PATE1: variants seen among roughly 807,000 people sequenced by gnomAD.
PATE1 encodes the protein prostate and testis expressed 1.
Under a neutral mutation model 13.1 loss-of-function variants are expected in PATE1, and 21 were observed. The ratio of observed to expected loss-of-function variants is 1.61; its 90% CI spans 1.14 to 2.31. The LOEUF (loss-of-function observed/expected upper bound fraction) is 2.31. Ranked by LOEUF, PATE1 falls within the 30% of genes most tolerant of loss-of-function variation. PATE1 has a pLI of 0.00. For synonymous variants in PATE1, 52 were observed against 47.1 expected (o/e 1.10, Z -0.43); for missense variants, 166 against 147.2 (o/e 1.13, Z -0.66).
chr11:125,748,023 A>T, intron 4 of PATE1: 1 of 683,840 alleles, frequency 1.5e-6, no homozygotes, highest in East Asian at 3.0e-5. Context: ...GCCTACAGCT[A>T]AGGGATTAGC....
chr11:125,749,245 G>A lies in PATE1; in HGVS notation c.*512G>A, dbSNP rs1943308998. 2.0e-5 allele frequency: 3 copies of A among 152,288 alleles called. No homozygotes were observed. The highest frequency in any genetic ancestry group is 2.0e-4 in the Admixed American group (3 of 15,270). 9.4% of individuals were successfully genotyped at this position (152,288 alleles called of 1,614,324 possible). On this transcript the variant is annotated 3_prime_UTR_variant, in exon 5 of 5. Transcript: ENST00000305738. ...AGTGGCTCAAGTCTTCTTGGAGTTTGTTCATGAATGCTGATCCCAGGGTGA... is the reference window on the plus strand; with the variant it reads ...AGTGGCTCAAGTCTTCTTGGAGTTTATTCATGAATGCTGATCCCAGGGTGA...
In PATE1 at chr11:125,748,817, CACACACACACACACACACT is replaced by C. The variant is rs1224576195; in HGVS notation, c.*88_*106del. ...CACAATGACTTTCTAAAAAAAATCA[CACACACACACACACACACT>C]ACAGAAGAGGATTGCAAACACATGG... On this transcript the variant is annotated 3_prime_UTR_variant, in exon 5 of 5. Transcript: ENST00000305738. 30 of 1,186,514 alleles carry C rather than the reference CACACACACACACACACACT, an allele frequency of 2.5e-5. No homozygotes were observed. The highest frequency in any genetic ancestry group is 3.4e-5 in the Non-Finnish European group (30 of 893,450). The allele number at this position is 1,186,514 out of a possible 1,614,324, so 73.5% of individuals were successfully genotyped here. A position where few individuals can be genotyped will look rare whatever the true frequency, so the allele number is the denominator to read the frequency against.
At position 125,748,620 on chromosome 11, in the gene PATE1, A is replaced by G. The variant is rs1943301757; in HGVS notation, c.268A>G (p.Thr90Ala). ...MFKRDGNPWL[T>A]FMGCLKNCAD... ...CACAGGGGATGGTAATCCCTGGTTAACCTTCATGGGCTGCCTAAAGAACTG... is the reference window on the plus strand; with the variant it reads ...CACAGGGGATGGTAATCCCTGGTTAGCCTTCATGGGCTGCCTAAAGAACTG... Residue 90 changes from threonine to alanine, a missense_variant, in exon 5 of 5, where the codon ACC becomes GCC. Physicochemically the swap from Thr to Ala is moderately conservative, Grantham distance 58. Transcript: ENST00000305738. 1 of 1,613,654 alleles carries G rather than the reference A, an allele frequency of 6.2e-7. No individual in the cohort carries two copies. The highest frequency in any genetic ancestry group is 8.5e-7 in the Non-Finnish European group (1 of 1,179,868).
In PATE1 at chr11:125,746,642, C is replaced by G; in HGVS notation, c.53-19C>G. 6.2e-7 allele frequency: 1 copy of G among 1,613,462 alleles called. No individual in the cohort carries two copies. Among genetic ancestry groups the G allele is most frequent in the Non-Finnish European group, 8.5e-7 (1 of 1,179,608 alleles). ...AAAATGAGGTCTGCAGACAGTGTAT[C>G]TCTTTTTTTTTCCAACAGCATTATC... On this transcript the variant is annotated intron_variant, in intron 1 of 4. Coordinates refer to ENST00000305738, the MANE Select transcript of PATE1 (RefSeq NM_138294.3).
chr11:125,748,621 C>A lies in PATE1; in HGVS notation c.269C>A (p.Thr90Asn), dbSNP rs753244669. 1 of 1,613,746 alleles carries A rather than the reference C, an allele frequency of 6.2e-7. No homozygotes were observed. The highest frequency in any genetic ancestry group is 8.5e-7 in the Non-Finnish European group (1 of 1,179,854). Residue 90 changes from threonine (T) to asparagine (N), a missense_variant, in exon 5 of 5, where the codon ACC becomes AAC. By Grantham distance (65) the Thr-to-Asn change is moderately conservative. Transcript: ENST00000305738. Reference protein sequence around the residue: ...MFKRDGNPWLTFMGCLKNCAD... With the variant: ...MFKRDGNPWLNFMGCLKNCAD... ...ACAGGGGATGGTAATCCCTGGTTAA[C>A]CTTCATGGGCTGCCTAAAGAACTGT...
rs1187453182 is a variant in PATE1 at position 125,748,872 on chromosome 11, T to C, written c.*139T>C. The C allele has an allele frequency of 3.4e-5, 37 of 1,098,298 alleles. No individual in the cohort carries two copies. Among genetic ancestry groups the C allele is most frequent in the Non-Finnish European group, 4.3e-5 (34 of 782,558 alleles). 68.0% of individuals were successfully genotyped at this position (1,098,298 alleles called of 1,614,324 possible). A position where few individuals can be genotyped will look rare whatever the true frequency, so the allele number is the denominator to read the frequency against. On this transcript the variant is annotated 3_prime_UTR_variant, in exon 5 of 5. Transcript: ENST00000305738. ...ATTGCAAACACATGGCTCCATCTTCTGCACACGAAAGGAAAGTCCCTCTCC... is the reference window on the plus strand; with the variant it reads ...ATTGCAAACACATGGCTCCATCTTCCGCACACGAAAGGAAAGTCCCTCTCC...
At chr11:125,747,872 G>T in intron 4 of PATE1, 50 bp downstream of exon 4, 1 of 1,610,398 alleles carries the variant, frequency 6.2e-7, no homozygotes, top group Non-Finnish European at 8.5e-7. Context: ...CGTATACAGG[G>T]ACGTATCAGC....
chr11:125,746,511 C>A, intron 1 of PATE1, 150 bp from the exon 2 acceptor site: 1 of 1,284,512 alleles, frequency 7.8e-7, no homozygotes, highest in Non-Finnish European at 1.1e-6. Context: ...TATGTCATGT[C>A]CCCAGGACCT....
In PATE1 at chr11:125,748,999, C is replaced by T; in HGVS notation, c.*266C>T. On this transcript the variant is annotated 3_prime_UTR_variant, in exon 5 of 5. Transcript: ENST00000305738. ...CTGCAGGTTGCTACAAACCCTTGTG[C>T]TTTCACTGTATAGCCAGTTCATTCA... The T allele has an allele frequency of 3.0e-6, 1 of 338,518 alleles. No homozygotes were observed. The highest frequency in any genetic ancestry group is 5.3e-6 in the Non-Finnish European group (1 of 189,080). 21.0% of individuals were successfully genotyped at this position (338,518 alleles called of 1,614,324 possible).
At position 125,748,913 on chromosome 11, in the gene PATE1, G is replaced by T; in HGVS notation, c.*180G>T. On this transcript the variant is annotated 3_prime_UTR_variant, in exon 5 of 5. Coordinates refer to ENST00000305738, the MANE Select transcript of PATE1 (RefSeq NM_138294.3). ...GTCCCTCTCCTTTTCTACAGTCTCT[G>T]TCACGCCCCTTAAAATAAGTAAATA... 1.6e-6 allele frequency: 1 copy of T among 636,144 alleles called. No individual in the cohort carries two copies. Among genetic ancestry groups the T allele is most frequent in the Non-Finnish European group, 2.5e-6 (1 of 396,300 alleles). The allele number at this position is 636,144 out of a possible 1,614,324, so 39.4% of individuals were successfully genotyped here.
chr11:125,747,310 A>G (rs1943281523), intron 2 of PATE1, 66 bp from the exon 3 acceptor site: 2 of 1,497,982 alleles, frequency 1.3e-6, no homozygotes, highest in Admixed American at 1.7e-5. Flanking sequence ...GCAGACTATA[A>G]GAACCCAATA....
intron 2 of PATE1, 57 bp downstream of exon 2, chr11:125,746,753 A>T: frequency 6.3e-7 from 1 of 1,594,700 alleles, no homozygotes; most frequent in Non-Finnish European, 8.6e-7. Context: ...GGAAAAGATG[A>T]GTGGGGTGAG....
Position 125,748,977 on chromosome 11 carries a change from C to T in PATE1, c.*244C>T. The T allele has an allele frequency of 2.4e-6, 1 of 414,190 alleles. No individual in the cohort carries two copies. 25.7% of individuals were successfully genotyped at this position (414,190 alleles called of 1,614,324 possible). A position where few individuals can be genotyped will look rare whatever the true frequency, so the allele number is the denominator to read the frequency against. On this transcript the variant is annotated 3_prime_UTR_variant, in exon 5 of 5. Transcript: ENST00000305738. ...GAAAGAACAAGATCAATATATCCTG[C>T]AGGTTGCTACAAACCCTTGTGCTTT...
rs930350430 is a variant in PATE1 at position 125,747,318 on chromosome 11, A to G, written c.89-58A>G. ...CTGAAGGGCAGACTATAAGAACCCA[A>G]TACAAGAGTAAATCTCAGGCACATT... On this transcript the variant is annotated intron_variant, in intron 2 of 4. Coordinates refer to ENST00000305738, the MANE Select transcript of PATE1 (RefSeq NM_138294.3). 5 of 1,541,670 alleles carry G rather than the reference A, an allele frequency of 3.2e-6. No homozygotes were observed. The Admixed American group carries it at 5.0e-5, about 15-fold the overall frequency.
chr11:125,746,347 T>G lies in PATE1; in HGVS notation c.43T>G (p.Cys15Gly). The change falls in exon 1 of 5, where the codon TGC (cysteine) becomes GGC (glycine). Residue 15 changes from cysteine to glycine, a missense_variant. Physicochemically the swap from Cys to Gly is radical, Grantham distance 159. Transcript: ENST00000305738. ...GCTGGAACTCCCCATCCTGCTCTGC[T>G]GCTTTAGGGGTGAGTCCCTAGGGTT... ...LLLELPILLC[C>G]FRALSGSLSM... 6.2e-7 allele frequency: 1 copy of G among 1,613,942 alleles called. No homozygotes were observed. Among genetic ancestry groups the G allele is most frequent in the Non-Finnish European group, 8.5e-7 (1 of 1,179,844 alleles).
chr11:125,748,814 T>TCACA lies in PATE1; in HGVS notation c.*99_*102dup, dbSNP rs71750638. ...CTTCACAATGACTTTCTAAAAAAAA[T>TCACA]CACACACACACACACACACACTACA... On this transcript the variant is annotated 3_prime_UTR_variant, in exon 5 of 5. Coordinates refer to ENST00000305738, the MANE Select transcript of PATE1 (RefSeq NM_138294.3). 2.6e-4 allele frequency: 272 copies of TCACA among 1,043,696 alleles called. 1 individual carries two copies. The African/African-American group carries it at 5.7e-3, about 22-fold the overall frequency. The allele number at this position is 1,043,696 out of a possible 1,614,324, so 64.7% of individuals were successfully genotyped here. A position where few individuals can be genotyped will look rare whatever the true frequency, so the allele number is the denominator to read the frequency against.
In PATE1 at chr11:125,747,599, G is replaced by T. The variant is rs919209640; in HGVS notation, c.125-101G>T. The T allele has an allele frequency of 3.9e-6, 6 of 1,535,158 alleles. No individual in the cohort carries two copies. The South Asian group carries it at 4.7e-5, about 12-fold the overall frequency. On this transcript the variant is annotated intron_variant, in intron 3 of 4. Coordinates refer to ENST00000305738, the MANE Select transcript of PATE1 (RefSeq NM_138294.3). Reference sequence around the variant, plus strand: ...TTCACGCTTGATGGGCTCTGGCAAAGCCCTGTGGCTCTAGGCAGACTTCTA... The same window carrying T: ...TTCACGCTTGATGGGCTCTGGCAAATCCCTGTGGCTCTAGGCAGACTTCTA...
At position 125,749,227 on chromosome 11, in the gene PATE1, C is replaced by T. The variant is rs1387178673; in HGVS notation, c.*494C>T. The T allele has an allele frequency of 6.6e-6, 1 of 152,282 alleles. No individual in the cohort carries two copies. The highest frequency in any genetic ancestry group is 1.5e-5 in the Non-Finnish European group (1 of 68,162). The allele number at this position is 152,282 out of a possible 1,614,324, so 9.4% of individuals were successfully genotyped here. A position where few individuals can be genotyped will look rare whatever the true frequency, so the allele number is the denominator to read the frequency against. ...AGTAGCAACATAAAAAGAAGTGGCT[C>T]AAGTCTTCTTGGAGTTTGTTCATGA... On this transcript the variant is annotated 3_prime_UTR_variant, in exon 5 of 5. Transcript: ENST00000305738.
chr11:125,747,924 C>A (rs1041913906), intron 4 of PATE1, 102 bp downstream of exon 4: 3 of 1,505,212 alleles, frequency 2.0e-6, no homozygotes, highest in Non-Finnish European at 1.8e-6. Flanking sequence ...TTACTATAGG[C>A]AGTCTCATAC....
Sources: allele counts gnomAD v4.1 joint callset, GRCh38; gene constraint gnomAD v4.1.1; transcripts MANE v1.5; gene names NCBI Gene and HGNC (gene_info 2026-07-23, HGNC 2026-07-21).